Variants in IL16 observed in about 807,000 individuals in gnomAD.
IL16 encodes the protein pro-interleukin-16.
IL16 carries 67 observed loss-of-function variants against 110.1 expected under a neutral mutation model. That is an observed-to-expected ratio of 0.61 (90% CI 0.50 to 0.75). The LOEUF (loss-of-function observed/expected upper bound fraction) is 0.75, where lower values mean the gene tolerates loss of function less well. Among genes scored for constraint, IL16 ranks in the 30% least tolerant of loss-of-function variants. The pLI is 0.00. For synonymous variants in IL16, 689 were observed against 662.9 expected, an observed-to-expected ratio of 1.04 and a Z score of -0.61; for missense variants, 1,545 against 1,655.0, an observed-to-expected ratio of 0.93 and a Z score of 1.15.
At chr15:81,221,757 G>A (rs537609023) in intron 1 of IL16, among the ~76,000 whole-genome samples, 2 of 152,078 alleles carry the variant, frequency 1.3e-5, no homozygotes, top group Admixed American at 1.3e-4. Flanking sequence ...TTAATGCCTT[G>A]CCCCCTGGTT....
chr15:81,293,466 G>T (rs2141581366), intron 12 of IL16, among the ~76,000 whole-genome samples: 1 of 152,300 alleles, frequency 6.6e-6, no homozygotes, highest in African/African-American at 2.4e-5. Flanking sequence ...ACTTTGGGAG[G>T]CTGAGCCGGG....
chr15:81,182,968 C>T (rs769241126), intron 1 of IL16: 3 of 968,980 alleles, frequency 3.1e-6, no homozygotes, highest in Non-Finnish European at 4.3e-6. Flanking sequence ...CCCTTCCTGA[C>T]ATCCTCCCAG....
At position 81,306,504 on chromosome 15, in the gene IL16, T is replaced by C. The variant is rs1900569544; in HGVS notation, c.3764T>C (p.Leu1255Pro). Residue 1255 changes from leucine (L) to proline (P), a missense_variant, in exon 18 of 19, where the codon CTA becomes CCA. Physicochemically the swap from Leu to Pro is moderately conservative, Grantham distance 98. This residue lies in a region of IL16 where 356 missense variants were observed against 399.3 expected (regional missense o/e 0.89). Coordinates refer to ENST00000683961, the MANE Select transcript of IL16 (RefSeq NM_172217.5). ...AGCCTGGAAGGAGGGAAGGGCTCCCTACACGGAGACAAGCCTCTCACCATT... is the reference window on the plus strand; with the variant it reads ...AGCCTGGAAGGAGGGAAGGGCTCCCCACACGGAGACAAGCCTCTCACCATT... Reference protein sequence around the residue: ...GFSLEGGKGSLHGDKPLTINR... With the variant: ...GFSLEGGKGSPHGDKPLTINR... 6.2e-7 allele frequency: 1 copy of C among 1,613,782 alleles called. No homozygotes were observed. The highest frequency in any genetic ancestry group is 1.1e-5 in the South Asian group (1 of 91,084).
At chr15:81,258,123 T>G (rs1233086718) in intron 2 of IL16, among the ~76,000 whole-genome samples, 3 of 152,060 alleles carry the variant, frequency 2.0e-5, no homozygotes, top group Non-Finnish European at 4.4e-5. Context: ...AGTTACAAAA[T>G]AGAATAACCA....
intron 8 of IL16, among the ~76,000 whole-genome samples, chr15:81,282,278 G>A (rs921962532): frequency 1.3e-5 from 2 of 152,136 alleles, no homozygotes; most frequent in African/African-American, 2.4e-5. Context: ...AGCCCAACTG[G>A]TGTCTCCTCT....
intron 1 of IL16, 101 bp from the exon 2 acceptor site, chr15:81,225,198 C>T (rs1016428723): frequency 3.2e-6 from 3 of 938,438 alleles, no homozygotes; most frequent in Non-Finnish European, 4.6e-6. Context: ...TGTCCTGCTT[C>T]ACGGGCACCA....
At chr15:81,195,683 C>T (rs189197542), upstream of IL16, among the ~76,000 whole-genome samples, 1 of 152,140 alleles carries the variant, frequency 6.6e-6, no homozygotes, top group Non-Finnish European at 1.5e-5. Context: ...CATTAAAGCC[C>T]CCAGGAAGCC....
intron 10 of IL16, among the ~76,000 whole-genome samples, chr15:81,286,110 C>A (rs1899438940): frequency 6.6e-6 from 1 of 152,082 alleles, no homozygotes; most frequent in Admixed American, 6.5e-5. Context: ...GCTAGTAGAC[C>A]AAGAAATTTA....
chr15:81,303,532 A>C lies in IL16; in HGVS notation c.3319-17A>C, dbSNP rs1272502774. On this transcript the variant is annotated splice_polypyrimidine_tract_variant and intron_variant, in intron 15 of 18. Coordinates refer to ENST00000683961, the MANE Select transcript of IL16 (RefSeq NM_172217.5). This position sits in a 1 kb window ranked among gnomAD's most constrained non-coding sequence, Gnocchi z 4.1. ...CTTGCAGTAAAATGTTTTTGAATGT[A>C]TGTATTTCCTCTGCAGCAATTAGAC... 6.6e-7 allele frequency: 1 copy of C among 1,518,776 alleles called. No individual in the cohort carries two copies. Among genetic ancestry groups the C allele is most frequent in the Non-Finnish European group, 9.1e-7 (1 of 1,093,000 alleles). 94.1% of individuals were successfully genotyped at this position (1,518,776 alleles called of 1,614,324 possible).
intron 1 of IL16, among the ~76,000 whole-genome samples, chr15:81,198,457 A>G (rs1418954190): frequency 1.3e-5 from 2 of 152,120 alleles, no homozygotes; most frequent in African/African-American, 2.4e-5. Flanking sequence ...CAACACAAAG[A>G]TGGTCATATA....
intron 2 of IL16, among the ~76,000 whole-genome samples, chr15:81,238,008 A>C (rs1178282397): frequency 2.0e-5 from 3 of 152,136 alleles, no homozygotes; most frequent in African/African-American, 4.8e-5. Context: ...AGGTGCAAGC[A>C]ATTCTCTGCC....
rs1899633668 is a variant in IL16 at position 81,289,986 on chromosome 15, C to A, written c.1333-467C>A. ...CAGTAGAGGAACCGGGACTAGAACA[C>A]AAGCCTTTTTGACTCTAGGACTCAT... On this transcript the variant is annotated intron_variant, in intron 10 of 18. Coordinates refer to ENST00000683961, the MANE Select transcript of IL16 (RefSeq NM_172217.5). 9 of 410,956 alleles carry A rather than the reference C, an allele frequency of 2.2e-5. No individual in the cohort carries two copies. In the Admixed American group the frequency reaches 3.0e-4, roughly 14 times the overall value. 25.5% of individuals were successfully genotyped at this position (410,956 alleles called of 1,614,324 possible).
At chr15:81,219,979 A>G (rs1896560082) in intron 1 of IL16, among the ~76,000 whole-genome samples, 1 of 152,204 alleles carries the variant, frequency 6.6e-6, no homozygotes, top group South Asian at 2.1e-4. Flanking sequence ...GTATAGAGGA[A>G]GAAAGATAAC....
intron 2 of IL16, among the ~76,000 whole-genome samples, chr15:81,255,143 C>A (rs1435268368): frequency 2.0e-5 from 3 of 152,158 alleles, no homozygotes; most frequent in African/African-American, 7.2e-5. Context: ...GTACTAGACC[C>A]TTGTTGGTGT....
At chr15:81,256,823 A>G (rs904010821) in intron 2 of IL16, among the ~76,000 whole-genome samples, 5 of 152,286 alleles carry the variant, frequency 3.3e-5, no homozygotes, top group East Asian at 3.9e-4. Context: ...CTTATGCTCA[A>G]TGGACCCGAA....
intron 2 of IL16, among the ~76,000 whole-genome samples, chr15:81,228,608 C>A (rs1236732570): frequency 1.3e-5 from 2 of 152,082 alleles, no homozygotes; most frequent in African/African-American, 4.8e-5. Context: ...AGTGAGCCAC[C>A]ACACCCAGTC....
chr15:81,268,370 CT>C (rs1462267346), intron 4 of IL16, among the ~76,000 whole-genome samples: 1 of 152,276 alleles, frequency 6.6e-6, no homozygotes, highest in Non-Finnish European at 1.5e-5. Flanking sequence ...ACCCAAAGAG[CT>C]AAGTACTGTT....
intron 1 of IL16, among the ~76,000 whole-genome samples, chr15:81,212,711 A>T (rs935319526): frequency 6.6e-6 from 1 of 152,118 alleles, no homozygotes; most frequent in Non-Finnish European, 1.5e-5. Flanking sequence ...ACCTCAAGTG[A>T]TCTGCCTGCC....
At position 81,245,201 on chromosome 15, in the gene IL16, G is replaced by T. The variant is rs114346200; in HGVS notation, c.313-14571G>T. On this transcript the variant is annotated intron_variant, in intron 2 of 18. Transcript: ENST00000683961. Reference sequence around the variant, plus strand: ...CCTGTTCAAAATATTTCTGGGGTTTGGTATGATTAGTAATTTTCAATTGAA... The same window carrying T: ...CCTGTTCAAAATATTTCTGGGGTTTTGTATGATTAGTAATTTTCAATTGAA... Among the ~76,000 whole-genome samples, 1,406 of 152,204 alleles carry T rather than the reference G, an allele frequency of 9.2e-3. 17 individuals are homozygous for T. Among genetic ancestry groups the T allele is most frequent in the African/African-American group, 0.032 (1,334 of 41,532 alleles).
Sources: allele counts gnomAD v4.1 joint callset (sites outside exome capture counted in the v4.1 genomes callset), GRCh38; gene constraint gnomAD v4.1.1; regional missense constraint gnomAD v4.1.1; non-coding constraint Gnocchi (gnomAD v3.1); transcripts MANE v1.5; gene names NCBI Gene and HGNC (gene_info 2026-07-23, HGNC 2026-07-21).